DOCK9: variants seen among roughly 807,000 people sequenced by gnomAD.
DOCK9 encodes the protein dedicator of cytokinesis 9.
DOCK9 carries 89 observed loss-of-function variants against 263.3 expected under a neutral mutation model. That is an observed-to-expected ratio of 0.34 (90% confidence interval 0.28 to 0.40). The LOEUF (loss-of-function observed/expected upper bound fraction) is 0.40. Among genes scored for constraint, DOCK9 ranks in the 10% least tolerant of loss-of-function variants. The pLI is 1.00. For missense variants in DOCK9, 2,140 were observed against 2,603.4 expected, an observed-to-expected ratio of 0.82 and a Z score of 3.87; for synonymous variants, 976 against 973.1, an observed-to-expected ratio of 1.00 and a Z score of -0.06.
Position 98,881,891 on chromosome 13 carries a change from C to A in DOCK9, c.2675+1G>T, listed in dbSNP as rs1379175156. ...GAAGAGCATCCATCCACCTCCCTTA[C>A]CGAGTCACGTTAACCGCGACTTCTT... On this transcript the variant is annotated splice_donor_variant, in intron 24 of 52. Transcript: ENST00000682017. LOFTEE classifies it high-confidence loss of function. The A allele has an allele frequency of 6.4e-7, 1 of 1,565,254 alleles. No homozygotes were observed. Among genetic ancestry groups the A allele is most frequent in the East Asian group, 2.4e-5 (1 of 42,348 alleles).
chr13:99,051,855 C>A (rs139809844), intron 1 of DOCK9, among the ~76,000 whole-genome samples: 112 of 106,018 alleles, frequency 1.1e-3, no homozygotes, highest in Non-Finnish European at 1.3e-3. Flanking sequence ...CCACTAGTGG[C>A]AAAAAAAAAA....
chr13:99,046,557 C>T (rs1445612665), intron 1 of DOCK9, among the ~76,000 whole-genome samples: 2 of 152,212 alleles, frequency 1.3e-5, no homozygotes, highest in Non-Finnish European at 2.9e-5. Flanking sequence ...CCTCATAGAA[C>T]ATGCCTGGTT....
chr13:99,083,300 T>G (rs780899689), intron 1 of DOCK9, among the ~76,000 whole-genome samples: 1 of 152,012 alleles, frequency 6.6e-6, no homozygotes. Flanking sequence ...GAGCTAACCA[T>G]GTTTGACAAG....
intron 32 of DOCK9, among the ~76,000 whole-genome samples, chr13:98,861,451 GA>G (rs1225194846): frequency 6.6e-6 from 1 of 152,318 alleles, no homozygotes; most frequent in Admixed American, 6.5e-5. Context: ...GGGAAATGCT[GA>G]AATAACATCT....
At chr13:99,025,160 GAA>G (rs1886567966) in intron 1 of DOCK9, 1 of 152,186 alleles carries the variant, frequency 6.6e-6, no homozygotes, top group Non-Finnish European at 1.5e-5. Context: ...AAATGTAGGA[GAA>G]ACTATCCTCC....
In DOCK9 at chr13:98,881,945, C is replaced by T. The variant is rs1351930472; in HGVS notation, c.2622G>A (p.Leu874=). 6.2e-6 allele frequency: 10 copies of T among 1,600,340 alleles called. No individual in the cohort carries two copies. Among genetic ancestry groups the T allele is most frequent in the Non-Finnish European group, 7.7e-6 (9 of 1,173,624 alleles). ...IAFLPTILNQ[L]FRVLTRATQE... is the part of the protein sequence containing the mutation. ...GTGTGGCTCTGGTGAGGACTCGGAA[C>T]AGCTGGTTTAGGATAGTGGGCAAGA... Residue 874 remains leucine, a synonymous_variant, in exon 24 of 53, where the codon CTG becomes CTA. Transcript: ENST00000682017.
intron 39 of DOCK9, among the ~76,000 whole-genome samples, chr13:98,833,663 A>C (rs2149496): frequency 0.014 from 2,111 of 152,310 alleles, 41 homozygotes; most frequent in African/African-American, 0.048. Flanking sequence ...GTAAACCTCA[A>C]ATATATACAA....
rs73556967 is a variant in DOCK9, at chr13:98,883,180, G to T, written c.2470-49C>A. On this transcript the variant is annotated intron_variant, in intron 22 of 52. Coordinates refer to ENST00000682017, the MANE Select transcript of DOCK9 (RefSeq NM_001366683.2). ...AAGAAGAAAGTCTATTAGAATACAC[G>T]CTGTGGAAATAGAAGCATTTGTTTC... is the stretch of plus-strand genomic sequence containing the variant. The T allele has an allele frequency of 1.5e-3, 2,123 of 1,452,758 alleles. 26 individuals carry two copies. In the African/African-American group the frequency reaches 0.027, roughly 19 times the overall value. The allele number at this position is 1,452,758 out of a possible 1,614,324, so 90.0% of individuals were successfully genotyped here. A position where few individuals can be genotyped will look rare whatever the true frequency, so the allele number is the denominator to read the frequency against.
chr13:98,963,711 C>T (rs56348134), intron 1 of DOCK9, among the ~76,000 whole-genome samples: 1,998 of 152,318 alleles, frequency 0.013, 13 homozygotes, highest in Middle Eastern at 0.027. Context: ...GCTATAAAAG[C>T]TACTTGATAG....
At position 98,941,090 on chromosome 13, in the gene DOCK9, C is replaced by T. The variant is rs1595504764; in HGVS notation, c.244-10833G>A. ...TTCTGATTCCCTAATGCACCAGGCC[C>T]CTCTGACTGACACCAAGTTGCTCAG... is the stretch of plus-strand genomic sequence containing the variant. On this transcript the variant is annotated intron_variant, in intron 2 of 52. Transcript: ENST00000682017. Among the ~76,000 whole-genome samples, 12 of 152,298 alleles carry T rather than the reference C, an allele frequency of 7.9e-5. No homozygotes were observed. In the South Asian group the frequency reaches 2.5e-3, roughly 32 times the overall value.
intron 1 of DOCK9, among the ~76,000 whole-genome samples, chr13:98,987,530 G>A (rs1878752372): frequency 1.3e-5 from 2 of 152,030 alleles, no homozygotes; most frequent in Non-Finnish European, 1.5e-5. Context: ...TGAGGTTTAC[G>A]ATGTTACATA....
intron 7 of DOCK9, among the ~76,000 whole-genome samples, chr13:98,920,206 T>C (rs1370696647): frequency 6.6e-6 from 1 of 152,252 alleles, no homozygotes; most frequent in Non-Finnish European, 1.5e-5. Context: ...ATCTGTATTG[T>C]CTGATTTTTT....
At chr13:98,906,075 A>C (rs938884559) in intron 9 of DOCK9, among the ~76,000 whole-genome samples, 2 of 152,176 alleles carry the variant, frequency 1.3e-5, no homozygotes, top group Admixed American at 1.3e-4. Flanking sequence ...ATCTGCCAAA[A>C]AGATGATAAT....
intron 1 of DOCK9, among the ~76,000 whole-genome samples, chr13:98,960,218 C>T (rs1420065808): frequency 6.6e-6 from 1 of 152,170 alleles, no homozygotes; most frequent in Non-Finnish European, 1.5e-5. Flanking sequence ...CAAAAGAAAA[C>T]CAGAATTACC....
intron 21 of DOCK9, among the ~76,000 whole-genome samples, chr13:98,884,352 C>T (rs748007030): frequency 6.6e-6 from 1 of 152,236 alleles, no homozygotes; most frequent in Non-Finnish European, 1.5e-5. Flanking sequence ...CTCAATTATA[C>T]AATTTATTCT....
chr13:98,986,727 A>G (rs1236163801), intron 1 of DOCK9, among the ~76,000 whole-genome samples: 1 of 152,194 alleles, frequency 6.6e-6, no homozygotes, highest in Admixed American at 6.5e-5. Context: ...GACCGCCAAG[A>G]AATAGAAAAC....
Position 98,855,934 on chromosome 13 carries a change from T to C in DOCK9, c.3795A>G (p.Pro1265=), listed in dbSNP as rs2093696828. Residue 1265 remains proline (P), a synonymous_variant, in exon 34 of 53, where the codon CCA becomes CCG. Transcript: ENST00000682017. The part of the protein sequence containing the change: ...LISTDSGNSL[P]ERNSEKSNSL... ...AATTGCTCTTCTCACTATTCCTTTC[T>C]GGAAGGCTGTTACCCGAATCTGTGC... 7.4e-6 allele frequency: 12 copies of C among 1,614,038 alleles called. No homozygotes were observed. The highest frequency in any genetic ancestry group is 2.2e-5 in the East Asian group (1 of 44,884).
intron 18 of DOCK9, 164 bp downstream of exon 18, chr13:98,887,994 G>A (rs980505361): frequency 1.9e-5 from 10 of 531,672 alleles, no homozygotes; most frequent in South Asian, 1.1e-4. Context: ...TTCCATATTC[G>A]ATAAGATTGA....
chr13:98,932,358 G>A (rs1447848196), intron 2 of DOCK9, among the ~76,000 whole-genome samples: 2 of 152,174 alleles, frequency 1.3e-5, no homozygotes, highest in East Asian at 3.9e-4. Context: ...TGGTGCCACT[G>A]CATTCCAGCC....
Sources: allele counts gnomAD v4.1 joint callset (sites outside exome capture counted in the v4.1 genomes callset), GRCh38; gene constraint gnomAD v4.1.1; transcripts MANE v1.5; gene names NCBI Gene and HGNC (gene_info 2026-07-23, HGNC 2026-07-21).